SEMA5A: variants seen among roughly 807,000 people sequenced by gnomAD.
SEMA5A encodes semaphorin 5A, also known as semaphorin-5A.
A neutral mutation model predicts 135.5 loss-of-function variants in SEMA5A; 55 were observed. That is an observed-to-expected ratio of 0.41 (90% CI 0.33 to 0.51). SEMA5A has a LOEUF of 0.51. Ranked by LOEUF, SEMA5A falls within the 20% of genes least tolerant of loss-of-function variation. The pLI is 0.37. For synonymous variants in SEMA5A, 580 were observed against 546.5 expected (o/e 1.06, Z -0.85); for missense variants, 1,290 against 1,419.9 (o/e 0.91, Z 1.47).
intron 19 of SEMA5A, chr5:9,053,831 T>C: frequency 2.8e-6 from 1 of 353,792 alleles, no homozygotes; most frequent in South Asian, 1.4e-4. Flanking sequence ...TCAGAACTCG[T>C]GCTTGAAGCC....
rs1481275837 is a variant in SEMA5A, at chr5:9,426,724, G to C, written c.-78+11032C>G. 3.9e-5 allele frequency among the ~76,000 whole-genome samples: 6 copies of C among 152,128 alleles called. No homozygotes were observed. The East Asian group carries it at 9.6e-4, about 24-fold the overall frequency. On this transcript the variant is annotated intron_variant, in intron 2 of 22. Coordinates refer to ENST00000382496, the MANE Select transcript of SEMA5A (RefSeq NM_003966.3). Reference sequence around the variant, plus strand: ...ACACGTGATTAGAAATGTTCGTTCTGGGTGTATCTGATCATTTAGTAATTG... The same window carrying C: ...ACACGTGATTAGAAATGTTCGTTCTCGGTGTATCTGATCATTTAGTAATTG...
At chr5:9,275,253 A>T (rs1750196269) in intron 5 of SEMA5A, among the ~76,000 whole-genome samples, 1 of 151,534 alleles carries the variant, frequency 6.6e-6, no homozygotes, top group Admixed American at 6.5e-5. Flanking sequence ...AAGTTCCTGG[A>T]CACATACACC....
intron 5 of SEMA5A, among the ~76,000 whole-genome samples, chr5:9,318,066 A>T (rs146642589): frequency 6.6e-6 from 1 of 152,182 alleles, no homozygotes; most frequent in African/African-American, 2.4e-5. Flanking sequence ...ACTGTGGGGG[A>T]AGGAATGTGT....
At chr5:9,197,944 T>C (rs541836424) in intron 9 of SEMA5A, among the ~76,000 whole-genome samples, 45 of 152,136 alleles carry the variant, frequency 3.0e-4, no homozygotes, top group Non-Finnish European at 5.6e-4. Flanking sequence ...CACTGACATA[T>C]GAAATCCTGA....
At chr5:9,349,344 G>A (rs918307379) in intron 3 of SEMA5A, among the ~76,000 whole-genome samples, 1 of 152,144 alleles carries the variant, frequency 6.6e-6, no homozygotes, top group African/African-American at 2.4e-5. Flanking sequence ...TATTTATTGA[G>A]TACCTGCTAC....
At position 9,537,227 on chromosome 5, in the gene SEMA5A, A is replaced by G. The variant is rs187213784; in HGVS notation, c.-175+8357T>C. ...ACCAATACAAATCTATGATTAAAGG[A>G]GATTTTAAAATAAGGGAAAATTACC... On this transcript the variant is annotated intron_variant, in intron 1 of 22. Coordinates refer to ENST00000382496, the MANE Select transcript of SEMA5A (RefSeq NM_003966.3). Among the ~76,000 whole-genome samples, 112 of 152,332 alleles carry G rather than the reference A, an allele frequency of 7.4e-4. 2 individuals carry two copies. Among genetic ancestry groups the G allele is most frequent in the East Asian group, 4.4e-3 (23 of 5,188 alleles).
intron 16 of SEMA5A, among the ~76,000 whole-genome samples, chr5:9,089,622 TCTTTACC>T (rs1043914114): frequency 2.6e-4 from 40 of 152,330 alleles, no homozygotes; most frequent in African/African-American, 8.2e-4. Context: ...CACCCTTATT[TCTTTACC>T]TTGTTGCATT....
chr5:9,154,782 G>T, intron 11 of SEMA5A, 87 bp from the exon 12 acceptor site: 3 of 1,166,608 alleles, frequency 2.6e-6, no homozygotes, highest in Non-Finnish European at 3.8e-6. Context: ...TGTGTATGCA[G>T]CCATGGATCT....
intron 11 of SEMA5A, among the ~76,000 whole-genome samples, chr5:9,186,724 T>C (rs560913871): frequency 8.5e-5 from 13 of 152,356 alleles, no homozygotes; most frequent in Admixed American, 2.0e-4. Context: ...GATATATATA[T>C]TTTCAAGGTA....
At chr5:9,517,007 G>A (rs930369176) in intron 1 of SEMA5A, 5 of 152,234 alleles carry the variant, frequency 3.3e-5, no homozygotes, top group Admixed American at 1.3e-4. Flanking sequence ...ATAGAAGGTT[G>A]TCAATGTGAA....
intron 4 of SEMA5A, among the ~76,000 whole-genome samples, chr5:9,327,482 C>A (rs1752930983): frequency 6.6e-6 from 1 of 152,034 alleles, no homozygotes. Flanking sequence ...TTTCAAAGAA[C>A]ACACTAAAAC....
At chr5:9,125,235 G>A (rs544680938) in intron 13 of SEMA5A, among the ~76,000 whole-genome samples, 7 of 152,186 alleles carry the variant, frequency 4.6e-5, no homozygotes, top group Non-Finnish European at 8.8e-5. Flanking sequence ...AGGTGGATGG[G>A]ATTGGGAATT....
intron 2 of SEMA5A, among the ~76,000 whole-genome samples, chr5:9,425,642 G>T (rs955356748): frequency 6.6e-6 from 1 of 152,176 alleles, no homozygotes; most frequent in Admixed American, 6.5e-5. Context: ...TGTATTTTCT[G>T]CAAGGAAATT....
At chr5:9,461,055 G>T (rs548439436) in intron 1 of SEMA5A, among the ~76,000 whole-genome samples, 173 of 152,258 alleles carry the variant, frequency 1.1e-3, no homozygotes, top group Non-Finnish European at 2.0e-3. Flanking sequence ...CTTGAGTATA[G>T]ACAGGCTCAC....
chr5:9,061,428 C>T (rs907074733), intron 18 of SEMA5A, among the ~76,000 whole-genome samples: 1 of 151,924 alleles, frequency 6.6e-6, no homozygotes, highest in African/African-American at 2.4e-5. Flanking sequence ...GGCCAGGAGT[C>T]CCTGTCCTCA....
At chr5:9,055,089 G>A (rs1202128149) in intron 18 of SEMA5A, among the ~76,000 whole-genome samples, 1 of 152,166 alleles carries the variant, frequency 6.6e-6, no homozygotes, top group Non-Finnish European at 1.5e-5. Flanking sequence ...CCTGCTGAAT[G>A]CTGGGGTCAG....
intron 2 of SEMA5A, among the ~76,000 whole-genome samples, chr5:9,434,222 T>G (rs1435371721): frequency 6.6e-6 from 1 of 152,142 alleles, no homozygotes; most frequent in Non-Finnish European, 1.5e-5. Context: ...TGCAATAATA[T>G]GAGAAAGTAT....
intron 18 of SEMA5A, among the ~76,000 whole-genome samples, chr5:9,058,699 T>A (rs992963050): frequency 8.5e-5 from 13 of 152,130 alleles, no homozygotes; most frequent in Non-Finnish European, 1.6e-4. Context: ...ACTAAATAAC[T>A]AAGATTTGCT....
chr5:9,530,284 C>A (rs1561326105), intron 1 of SEMA5A, among the ~76,000 whole-genome samples: 1 of 152,146 alleles, frequency 6.6e-6, no homozygotes, highest in Non-Finnish European at 1.5e-5. Context: ...CTTGTGATGA[C>A]AGCTGAGTTC....
Sources: allele counts gnomAD v4.1 joint callset (sites outside exome capture counted in the v4.1 genomes callset), GRCh38; gene constraint gnomAD v4.1.1; transcripts MANE v1.5; gene names NCBI Gene and HGNC (gene_info 2026-07-23, HGNC 2026-07-21).